SEC16B: variants seen among roughly 807,000 people sequenced by gnomAD.
The protein encoded by SEC16B is SEC16 homolog B, endoplasmic reticulum export factor.
In SEC16B, 115 loss-of-function variants were observed where a neutral mutation model predicts 141.8. The observed-to-expected ratio is 0.81, with a 90% CI of 0.70 to 0.95. The LOEUF is 0.95. Ranked by LOEUF, SEC16B falls within the 40% of genes least tolerant of loss-of-function variation. SEC16B has a pLI of 0.00. For synonymous variants in SEC16B, 493 were observed against 492.5 expected (o/e 1.00, Z -0.01); for missense variants, 1,291 against 1,312.3 (o/e 0.98, Z 0.25).
At chr1:177,952,019 G>A (rs369477949) in intron 11 of SEC16B, 24 bp from the exon 12 acceptor site, 21 of 1,575,962 alleles carry the variant, frequency 1.3e-5, no homozygotes, top group Non-Finnish European at 1.6e-5. Context: ...GATAGTCAGC[G>A]AGGACCAAGC....
At chr1:177,959,389 G>T in intron 8 of SEC16B, 2 of 216,150 alleles carry the variant, frequency 9.3e-6, no homozygotes, top group Non-Finnish European at 1.9e-5. Context: ...CATACAAAAA[G>T]GAATTAGAAA....
chr1:177,942,178 T>C, intron 15 of SEC16B, 138 bp from the exon 16 acceptor site: 2 of 933,358 alleles, frequency 2.1e-6, no homozygotes, highest in Non-Finnish European at 3.1e-6. Flanking sequence ...CTTGTGCCAT[T>C]TGGAGCATTT....
At chr1:177,941,595 G>A (rs1651279574) in intron 16 of SEC16B, among the ~76,000 whole-genome samples, 1 of 152,044 alleles carries the variant, frequency 6.6e-6, no homozygotes, top group African/African-American at 2.4e-5. Context: ...AATTAGAATG[G>A]TTCACCGTAG....
intron 7 of SEC16B, 80 bp from the exon 8 acceptor site, chr1:177,960,483 C>A: frequency 9.9e-7 from 1 of 1,006,640 alleles, no homozygotes; most frequent in Non-Finnish European, 1.5e-6. Context: ...TGTCAGACCC[C>A]AAGGCCGTGG....
Position 177,944,659 on chromosome 1 carries a change from A to AG in SEC16B, c.1782_1783insC (p.Phe595LeufsTer8). 1.2e-6 allele frequency: 2 copies of AG among 1,612,836 alleles called. No individual in the cohort carries two copies. The highest frequency in any genetic ancestry group is 8.5e-7 in the Non-Finnish European group (1 of 1,179,224). On this transcript the variant is annotated frameshift_variant, in exon 15 of 26. Transcript: ENST00000308284. LOFTEE classifies it high-confidence loss of function. Reference sequence around the variant, plus strand: ...GCCTCAGTTGTTGCAAATTTCAAAAACTCTTGACTAAAACCAGAGAATAAC... The same window carrying AG: ...GCCTCAGTTGTTGCAAATTTCAAAAAGCTCTTGACTAAAACCAGAGAATAAC...
chr1:177,944,804 GAGA>G (rs778507002), intron 14 of SEC16B, 138 bp from the exon 15 acceptor site: 16 of 614,076 alleles, frequency 2.6e-5, no homozygotes, highest in Middle Eastern at 3.0e-4. Context: ...GCGGCTTCAA[GAGA>G]AGAAGGAGAC....
chr1:177,961,592 G>A lies in SEC16B; in HGVS notation c.785C>T (p.Ala262Val). Residue 262 changes from alanine (A) to valine (V), a missense_variant and splice_region_variant, in exon 6 of 26, where the codon GCT (alanine) becomes GTT (valine). Ala to Val is a moderately conservative substitution (Grantham distance 64). Transcript: ENST00000308284. ...CTTCTGATCATTTTAGAACCCACCA[G>A]CCTGAACTGGACTCCAAGCTGCTGA... ...PASAAWSPVQ[A>V]DVSSAGPKAP... 5.0e-6 allele frequency: 8 copies of A among 1,611,034 alleles called. No homozygotes were observed. Among genetic ancestry groups the A allele is most frequent in the Non-Finnish European group, 6.8e-6 (8 of 1,179,196 alleles).
intron 24 of SEC16B, 103 bp from the exon 25 acceptor site, chr1:177,930,746 G>T: frequency 2.6e-6 from 2 of 774,566 alleles, no homozygotes; most frequent in Non-Finnish European, 4.2e-6. Context: ...TTTTTTCTCA[G>T]TGATTTCTTT....
chr1:177,961,732 T>G lies in SEC16B; in HGVS notation c.645A>C (p.Pro215=). 2 of 1,613,322 alleles carry G rather than the reference T, an allele frequency of 1.2e-6. No individual in the cohort carries two copies. Among genetic ancestry groups the G allele is most frequent in the Non-Finnish European group, 1.7e-6 (2 of 1,179,760 alleles). ...GAAGGTTGGACTCACTAGCCAATGA[T>G]GGCTGAAAGTTAAAAACAAAAACAC... ...SLLAEAQKNK[P]SLASESNLLQ... The change falls in exon 6 of 26, where the codon CCA becomes CCC. Residue 215 remains proline (P), a splice_region_variant and synonymous_variant. Transcript: ENST00000308284.
intron 8 of SEC16B, chr1:177,959,891 T>C (rs1652922199): frequency 5.9e-6 from 1 of 170,366 alleles, no homozygotes. Context: ...CCTAGTTCAG[T>C]ACTGCAGAGG....
At chr1:177,940,924 C>T (rs920314219) in intron 16 of SEC16B, among the ~76,000 whole-genome samples, 5 of 152,106 alleles carry the variant, frequency 3.3e-5, no homozygotes, top group Admixed American at 6.6e-5. Context: ...ATAAACAACC[C>T]GTCTTGGGTG....
intron 16 of SEC16B, among the ~76,000 whole-genome samples, chr1:177,940,953 A>G (rs1571314962): frequency 6.6e-6 from 1 of 152,256 alleles, no homozygotes; most frequent in Admixed American, 6.5e-5. Context: ...TAAATAAAAT[A>G]TGAGGAGAAA....
intron 1 of SEC16B, among the ~76,000 whole-genome samples, chr1:177,981,317 A>G (rs560953754): frequency 6.6e-6 from 1 of 152,196 alleles, no homozygotes; most frequent in East Asian, 1.9e-4. Context: ...AGACCTGGAC[A>G]GTAAGAGTCT....
chr1:177,959,411 T>C (rs1407022482), intron 8 of SEC16B: 1 of 217,458 alleles, frequency 4.6e-6, no homozygotes, highest in Non-Finnish European at 9.3e-6. Flanking sequence ...TTGTGTGGCA[T>C]ATATTAAGTG....
chr1:177,974,843 T>C (rs1654107115), upstream of SEC16B, among the ~76,000 whole-genome samples: 1 of 152,086 alleles, frequency 6.6e-6, no homozygotes, highest in Non-Finnish European at 1.5e-5. Context: ...AGACTGGAAA[T>C]ACACAATTAC....
chr1:177,932,314 T>C (rs1040444185), intron 24 of SEC16B, among the ~76,000 whole-genome samples, 176 bp downstream of exon 24: 1 of 152,226 alleles, frequency 6.6e-6, no homozygotes, highest in South Asian at 2.1e-4. Context: ...AAATTCGGTT[T>C]CTGTGGTCTG....
rs757481538 is a variant in SEC16B, at chr1:177,958,918, G to A, written c.1056C>T (p.Ser352=). 18 of 1,613,742 alleles carry A rather than the reference G, an allele frequency of 1.1e-5. No homozygotes were observed. The South Asian group carries it at 1.5e-4, about 14-fold the overall frequency. Residue 352 remains serine (S), a synonymous_variant, in exon 9 of 26, where the codon AGC becomes AGT. Coordinates refer to ENST00000308284, the MANE Select transcript of SEC16B (RefSeq NM_033127.4). ...MTFCQQKAAQ[S]CKSETLGSRD... ...TGCTCCCCAGTGTCTCAGATTTGCA[G>A]CTCTGAGCTGCTTTCTGCTGGCAAA...
chr1:177,958,539 T>C, intron 9 of SEC16B, 177 bp from the exon 10 acceptor site: 4 of 605,466 alleles, frequency 6.6e-6, no homozygotes, highest in Non-Finnish European at 1.1e-5. Context: ...ACTATCATGG[T>C]TATTTTCTGC....
chr1:177,965,816 C>T (rs1265254375), intron 3 of SEC16B, 77 bp downstream of exon 3: 2 of 857,848 alleles, frequency 2.3e-6, no homozygotes, highest in Non-Finnish European at 3.7e-6. Context: ...AACATGGCTC[C>T]TTTGGTCTCT....
Sources: gnomAD v4.1 joint callset for allele counts (sites outside exome capture counted in the v4.1 genomes callset) on GRCh38, gnomAD v4.1.1 for gene constraint, MANE v1.5 for transcripts, NCBI Gene and HGNC (gene_info 2026-07-23, HGNC 2026-07-21) for gene names.